HERC3: variants seen among roughly 807,000 people sequenced by gnomAD.
HERC3 encodes the protein probable E3 ubiquitin-protein ligase HERC3.
Under a neutral mutation model 129.9 loss-of-function variants are expected in HERC3, and 58 were observed. That is an observed-to-expected ratio of 0.45 (90% CI 0.36 to 0.56). The LOEUF (loss-of-function observed/expected upper bound fraction) is 0.56, where lower values mean the gene tolerates loss of function less well. HERC3 is among the 20% of genes least tolerant of loss of function. The probability of loss-of-function intolerance (pLI) is 0.00; values close to 1 mark genes in which losing one functional copy is unlikely to be tolerated. For synonymous variants in HERC3, 430 were observed against 451.0 expected, an observed-to-expected ratio of 0.95 and a Z score of 0.59; for missense variants, 835 against 1,244.2, an observed-to-expected ratio of 0.67 and a Z score of 4.95.
At chr4:88,650,545 C>T (rs1362358480) in intron 4 of HERC3, among the ~76,000 whole-genome samples, 5 of 152,202 alleles carry the variant, frequency 3.3e-5, no homozygotes, top group Admixed American at 2.0e-4. Flanking sequence ...ATAGTTGCCA[C>T]TAAGAGAACA....
intron 21 of HERC3, among the ~76,000 whole-genome samples, chr4:88,683,416 A>G (rs1035854866): frequency 2.6e-5 from 4 of 152,194 alleles, no homozygotes; most frequent in African/African-American, 9.7e-5. Context: ...CTTAGAAGTA[A>G]TACTAAAAAG....
intron 23 of HERC3, among the ~76,000 whole-genome samples, chr4:88,701,393 G>A (rs746451326): frequency 1.3e-5 from 2 of 152,174 alleles, no homozygotes; most frequent in South Asian, 4.1e-4. Flanking sequence ...CTAGTTATTG[G>A]TGTGGATGGT....
the HERC3 span, among the ~76,000 whole-genome samples, chr4:88,560,906 T>C: frequency 2.0e-5 from 3 of 152,222 alleles, no homozygotes; most frequent in African/African-American, 7.2e-5. Context: ...TATGCTTGGA[T>C]GTATTTCTGG....
the HERC3 span, among the ~76,000 whole-genome samples, chr4:88,583,337 A>G: frequency 3.1e-4 from 47 of 152,032 alleles, no homozygotes; most frequent in African/African-American, 1.1e-3. Flanking sequence ...TTGTGAGGCT[A>G]AGACAGGAGA....
rs867778598 is a variant in HERC3 at position 88,668,127 on chromosome 4, T to G, written c.1633+46T>G. On this transcript the variant is annotated intron_variant, in intron 14 of 25. Transcript: ENST00000402738. Reference sequence around the variant, plus strand: ...ATCAGTGGTTTTATGGTCATTTGTTTTGTTGGTGTGACTCCTGGCTCTCAG... The same window carrying G: ...ATCAGTGGTTTTATGGTCATTTGTTGTGTTGGTGTGACTCCTGGCTCTCAG... 2.6e-5 allele frequency: 38 copies of G among 1,480,018 alleles called. 2 individuals are homozygous for G. In the Middle Eastern group the frequency reaches 5.3e-3, roughly 208 times the overall value. The allele number at this position is 1,480,018 out of a possible 1,614,324, so 91.7% of individuals were successfully genotyped here. A position where few individuals can be genotyped will look rare whatever the true frequency, so the allele number is the denominator to read the frequency against.
At position 88,639,971 on chromosome 4, in the gene HERC3, G is replaced by A. The variant is rs1383192663; in HGVS notation, c.227-9869G>A. On this transcript the variant is annotated intron_variant, in intron 3 of 25. Transcript: ENST00000402738. ...AGACATTTATGCGGCCAACAAACATGAAAAAAGCTCAACATTGCTGATCAT... is the reference window on the plus strand; with the variant it reads ...AGACATTTATGCGGCCAACAAACATAAAAAAAGCTCAACATTGCTGATCAT... Among the ~76,000 whole-genome samples, 4 of 152,050 alleles carry A rather than the reference G, an allele frequency of 2.6e-5. No homozygotes were observed. The East Asian group carries it at 7.7e-4, about 29-fold the overall frequency.
At chr4:88,696,469 A>T (rs1005326998) in intron 23 of HERC3, 1 of 152,536 alleles carries the variant, frequency 6.6e-6, no homozygotes, top group African/African-American at 2.4e-5. Flanking sequence ...CGTGTTTGTA[A>T]ATAGACAGTA....
rs1327668114 is a variant in HERC3 at position 88,707,982 on chromosome 4, T to C, written c.*1022T>C. ...CATTCTCTGTTACTTGACTCAGTGC[T>C]CCCTTCCTCTCCTCTCCTTCTAGTG... On this transcript the variant is annotated 3_prime_UTR_variant, in exon 26 of 26. Coordinates refer to ENST00000402738, the MANE Select transcript of HERC3 (RefSeq NM_014606.3). The C allele has an allele frequency of 6.6e-6, 1 of 152,600 alleles. No individual in the cohort carries two copies. Among genetic ancestry groups the C allele is most frequent in the Admixed American group, 6.5e-5 (1 of 15,282 alleles). The allele number at this position is 152,600 out of a possible 1,614,324, so 9.5% of individuals were successfully genotyped here. A position where few individuals can be genotyped will look rare whatever the true frequency, so the allele number is the denominator to read the frequency against.
At chr4:88,526,376 C>T in the HERC3 span, among the ~76,000 whole-genome samples, 25 of 152,068 alleles carry the variant, frequency 1.6e-4, no homozygotes, top group Non-Finnish European at 2.8e-4. Flanking sequence ...AATTTGTGAA[C>T]CTGCAATCCA....
At chr4:88,528,835 C>T in the HERC3 span, among the ~76,000 whole-genome samples, 1 of 152,152 alleles carries the variant, frequency 6.6e-6, no homozygotes, top group Non-Finnish European at 1.5e-5. Context: ...TGTTATTTCT[C>T]TATCAGCTAA....
intron 21 of HERC3, among the ~76,000 whole-genome samples, chr4:88,685,846 G>A (rs747887220): frequency 6.6e-6 from 1 of 152,000 alleles, no homozygotes; most frequent in Admixed American, 6.6e-5. Flanking sequence ...TTTTATCTGT[G>A]TACTAATAAT....
intron 3 of HERC3, among the ~76,000 whole-genome samples, chr4:88,631,713 G>A (rs1226883595): frequency 6.6e-6 from 1 of 152,182 alleles, no homozygotes; most frequent in East Asian, 1.9e-4. Context: ...ACATTCATGG[G>A]AGAGCTGTGC....
the HERC3 span, among the ~76,000 whole-genome samples, chr4:88,572,020 G>A: frequency 2.0e-5 from 3 of 152,102 alleles, no homozygotes; most frequent in Non-Finnish European, 4.4e-5. Context: ...CAATATGACT[G>A]ATGTCTTTAT....
chr4:88,698,637 C>T (rs958545889), intron 23 of HERC3, among the ~76,000 whole-genome samples: 1 of 149,720 alleles, frequency 6.7e-6, no homozygotes, highest in Non-Finnish European at 1.5e-5. Flanking sequence ...AAGCATGTGC[C>T]ATCTATCCCA....
At chr4:88,605,769 A>G (rs1051838406) in intron 2 of HERC3, 26 bp from the exon 3 acceptor site, 6 of 1,412,422 alleles carry the variant, frequency 4.2e-6, no homozygotes, top group Non-Finnish European at 2.9e-6. Context: ...TTAATTAAAA[A>G]ATAATTTTTT....
chr4:88,687,844 A>G (rs1173897174), intron 23 of HERC3, among the ~76,000 whole-genome samples: 1 of 152,202 alleles, frequency 6.6e-6, no homozygotes, highest in Non-Finnish European at 1.5e-5. Flanking sequence ...ATTCAAGTAC[A>G]TTTGATTTTT....
chr4:88,655,303 A>G lies in HERC3; in HGVS notation c.907A>G (p.Arg303Gly). The G allele has an allele frequency of 6.2e-7, 1 of 1,613,398 alleles. No homozygotes were observed. Among genetic ancestry groups the G allele is most frequent in the Non-Finnish European group, 8.5e-7 (1 of 1,179,516 alleles). Residue 303 changes from arginine to glycine, a missense_variant and splice_region_variant, in exon 8 of 26, where the codon AGA becomes GGA. Arg to Gly is a moderately radical substitution (Grantham distance 125). Transcript: ENST00000402738. ...GSEVTQIACGRQHTLAFVPSS... is the reference protein window; with the variant it reads ...GSEVTQIACGGQHTLAFVPSS... ...TGAAGTAACTCAAATTGCTTGTGGC[A>G]GGTGAGTGTTCCTCAAAGCTTGCTT...
intron 23 of HERC3, among the ~76,000 whole-genome samples, chr4:88,703,342 CA>C (rs1258349477): frequency 6.6e-6 from 1 of 152,106 alleles, no homozygotes; most frequent in African/African-American, 2.4e-5. Context: ...CTTGCTATAG[CA>C]GCTCTGAAAA....
intron 3 of HERC3, among the ~76,000 whole-genome samples, chr4:88,626,002 G>A (rs1726057829): frequency 1.3e-5 from 2 of 151,912 alleles, no homozygotes; most frequent in South Asian, 4.1e-4. Flanking sequence ...ATCTCACTTG[G>A]TAATTTTTAT....
Sources: gnomAD v4.1 joint callset for allele counts (sites outside exome capture counted in the v4.1 genomes callset) on GRCh38, gnomAD v4.1.1 for gene constraint, MANE v1.5 for transcripts, NCBI Gene and HGNC (gene_info 2026-07-23, HGNC 2026-07-21) for gene names.